CTNNA3: variants seen among roughly 807,000 people sequenced by gnomAD.
CTNNA3 encodes catenin alpha 3.
A neutral mutation model predicts 95.7 loss-of-function variants in CTNNA3; 76 were observed. That is an observed-to-expected ratio of 0.79 (90% CI 0.66 to 0.96). The LOEUF (loss-of-function observed/expected upper bound fraction) is 0.96. Ranked by LOEUF, CTNNA3 falls within the 40% of genes least tolerant of loss-of-function variation. CTNNA3 has a pLI of 0.00. For synonymous variants in CTNNA3, 431 were observed against 374.4 expected (o/e 1.15, Z -1.74); for missense variants, 1,191 against 1,089.8 (o/e 1.09, Z -1.31).
intron 11 of CTNNA3, among the ~76,000 whole-genome samples, chr10:66,414,012 C>T (rs116509523): frequency 1.3e-5 from 2 of 152,144 alleles, no homozygotes; most frequent in African/African-American, 4.8e-5. Flanking sequence ...TCCAGTCCTT[C>T]CTTCCTTACA....
intron 9 of CTNNA3, among the ~76,000 whole-genome samples, chr10:66,726,173 T>C (rs191484938): frequency 1.6e-3 from 240 of 152,186 alleles, no homozygotes; most frequent in African/African-American, 5.5e-3. Context: ...ATTTTAGAAA[T>C]ACTCTCCTTT....
intron 10 of CTNNA3, among the ~76,000 whole-genome samples, chr10:66,560,263 T>C (rs189913985): frequency 6.6e-6 from 1 of 151,506 alleles, no homozygotes; most frequent in East Asian, 1.9e-4. Flanking sequence ...AATTTGGAGA[T>C]AGAAACGTGA....
At chr10:67,416,044 C>T (rs1845526683) in intron 5 of CTNNA3, among the ~76,000 whole-genome samples, 1 of 151,994 alleles carries the variant, frequency 6.6e-6, no homozygotes, top group Non-Finnish European at 1.5e-5. Flanking sequence ...TATAAAAATC[C>T]TAGAAGAAAA....
rs1425816792 is a variant in CTNNA3 at position 67,452,655 on chromosome 10, A to G, written c.579+69187T>C. 2.0e-5 allele frequency among the ~76,000 whole-genome samples: 3 copies of G among 152,228 alleles called. No individual in the cohort carries two copies. In the East Asian group the frequency reaches 5.8e-4, roughly 29 times the overall value. ...TGCTTAAGGCAGAAAAAGTTTTTCA[A>G]TGGTTGTGGCACATGCTTTGAAAAT... On this transcript the variant is annotated intron_variant, in intron 5 of 17. Coordinates refer to ENST00000433211, the MANE Select transcript of CTNNA3 (RefSeq NM_013266.4).
At chr10:66,249,981 T>C (rs2090485966) in intron 13 of CTNNA3, among the ~76,000 whole-genome samples, 1 of 152,154 alleles carries the variant, frequency 6.6e-6, no homozygotes. Context: ...GTAGGCAAGA[T>C]TTGGAAGCAA....
At position 66,107,428 on chromosome 10, in the gene CTNNA3, A is replaced by G. The variant is rs147031766; in HGVS notation, c.1885-4179T>C. Among the ~76,000 whole-genome samples, 25 of 152,342 alleles carry G rather than the reference A, an allele frequency of 1.6e-4. No homozygotes were observed. The East Asian group carries it at 4.8e-3, about 29-fold the overall frequency. ...GAACATTATTCGGTGACTGGGAAAT[A>G]CTGAATTATTAATATTGTTTATGAA... On this transcript the variant is annotated intron_variant, in intron 13 of 17. Transcript: ENST00000433211.
chr10:67,232,820 A>G (rs1865280126), intron 5 of CTNNA3, among the ~76,000 whole-genome samples: 1 of 151,896 alleles, frequency 6.6e-6, no homozygotes, highest in Non-Finnish European at 1.5e-5. Flanking sequence ...AGGAAGATCT[A>G]CCAAGCAAAT....
In CTNNA3 at chr10:65,921,023, C is replaced by T. The variant is rs770134844; in HGVS notation, c.2401-406G>A. Among the ~76,000 whole-genome samples the T allele has an allele frequency of 3.0e-4, 46 of 152,146 alleles. No individual in the cohort carries two copies. The East Asian group carries it at 3.9e-3, about 13-fold the overall frequency. On this transcript the variant is annotated intron_variant, in intron 17 of 17. Transcript: ENST00000433211. ...ATGTGTTTTGCAAATAACCCTAATACGCCAATTTAAATAGAATCCTGTTAA... is the reference window on the plus strand; with the variant it reads ...ATGTGTTTTGCAAATAACCCTAATATGCCAATTTAAATAGAATCCTGTTAA...
At position 67,199,918 on chromosome 10, in the gene CTNNA3, G is replaced by A. The variant is rs141523391; in HGVS notation, c.844-19398C>T. 1.7e-3 allele frequency among the ~76,000 whole-genome samples: 252 copies of A among 151,902 alleles called. 3 individuals carry two copies. Among genetic ancestry groups the A allele is most frequent in the African/African-American group, 5.7e-3 (237 of 41,506 alleles). ...AAGAAAAATCCCATCACTGAACACC[G>A]CTCCAGACTTTTCTTATCAGGATAT... On this transcript the variant is annotated intron_variant, in intron 6 of 17. Transcript: ENST00000433211.
chr10:66,855,049 T>C (rs1843638265), intron 7 of CTNNA3, among the ~76,000 whole-genome samples: 1 of 151,954 alleles, frequency 6.6e-6, no homozygotes, highest in South Asian at 2.1e-4. Context: ...TAATAAATAA[T>C]AGCTATTATT....
At chr10:67,339,298 A>C (rs1056483454) in intron 5 of CTNNA3, among the ~76,000 whole-genome samples, 2 of 152,168 alleles carry the variant, frequency 1.3e-5, no homozygotes, top group African/African-American at 2.4e-5. Context: ...AGTAATGCAC[A>C]CATAATCACA....
chr10:67,326,953 T>G (rs1841562867), intron 5 of CTNNA3, among the ~76,000 whole-genome samples: 1 of 152,234 alleles, frequency 6.6e-6, no homozygotes, highest in Non-Finnish European at 1.5e-5. Flanking sequence ...CTTGTCTGAA[T>G]GTCTTATTTC....
intron 13 of CTNNA3, among the ~76,000 whole-genome samples, chr10:66,240,677 G>T (rs568187421): frequency 6.6e-6 from 1 of 152,082 alleles, no homozygotes; most frequent in Non-Finnish European, 1.5e-5. Context: ...GAAAAACAGG[G>T]ATAACTGAAA....
chr10:67,356,235 A>G (rs1842802100), intron 5 of CTNNA3, among the ~76,000 whole-genome samples: 2 of 151,374 alleles, frequency 1.3e-5, no homozygotes, highest in Admixed American at 1.3e-4. Context: ...TTCCCCAAGG[A>G]CTCTCTTCCC....
rs59314400 is a variant in CTNNA3, at chr10:66,373,670, C to A, written c.1732+5482G>T. On this transcript the variant is annotated intron_variant, in intron 12 of 17. Coordinates refer to ENST00000433211, the MANE Select transcript of CTNNA3 (RefSeq NM_013266.4). ...AAAGGATATAATTTGAAAGCCTGTT[C>A]AGACTGCTTAAAGGGGAGGAAATTC... Among the ~76,000 whole-genome samples, 435 of 152,108 alleles carry A rather than the reference C, an allele frequency of 2.9e-3. 4 individuals are homozygous for A. The highest frequency in any genetic ancestry group is 9.9e-3 in the African/African-American group (412 of 41,480).
At chr10:67,675,779 A>C (rs1298946964) in intron 1 of CTNNA3, among the ~76,000 whole-genome samples, 1 of 152,202 alleles carries the variant, frequency 6.6e-6, no homozygotes, top group Non-Finnish European at 1.5e-5. Context: ...AATCCACTTT[A>C]TATGGATGAA....
chr10:67,204,180 G>C (rs1380541070), intron 6 of CTNNA3, among the ~76,000 whole-genome samples: 1 of 152,070 alleles, frequency 6.6e-6, no homozygotes, highest in African/African-American at 2.4e-5. Flanking sequence ...TGCTGATATG[G>C]TTTGGATACG....
At chr10:67,647,553 A>C (rs1213028012) in intron 1 of CTNNA3, 35 bp from the exon 2 acceptor site, 1 of 1,548,492 alleles carries the variant, frequency 6.5e-7, no homozygotes, top group South Asian at 1.1e-5. Flanking sequence ...TTATTAATAA[A>C]GAAAACTGTT....
At chr10:67,105,036 G>A (rs1858552093) in intron 7 of CTNNA3, among the ~76,000 whole-genome samples, 1 of 151,918 alleles carries the variant, frequency 6.6e-6, no homozygotes, top group South Asian at 2.1e-4. Flanking sequence ...AAACAACAAA[G>A]AAGACAAAAA....
Sources: gnomAD v4.1 joint callset for allele counts (sites outside exome capture counted in the v4.1 genomes callset) on GRCh38, gnomAD v4.1.1 for gene constraint, MANE v1.5 for transcripts, NCBI Gene and HGNC (gene_info 2026-07-23, HGNC 2026-07-21) for gene names.